GABPB1: variants seen among roughly 807,000 people sequenced by gnomAD.
GABPB1 encodes the protein GA-binding protein subunit beta-1.
Under a neutral mutation model 45.9 loss-of-function variants are expected in GABPB1, and 15 were observed. The observed-to-expected ratio is 0.33, with a 90% CI of 0.22 to 0.50. The LOEUF is 0.50. GABPB1 is among the 20% of genes least tolerant of loss of function. The probability of loss-of-function intolerance (pLI) is 0.98; values close to 1 mark genes in which losing one functional copy is unlikely to be tolerated. For missense variants in GABPB1, 252 were observed against 457.5 expected, an observed-to-expected ratio of 0.55 and a Z score of 4.10; for synonymous variants, 143 against 154.4, an observed-to-expected ratio of 0.93 and a Z score of 0.55.
chr15:50,347,907 T>C (rs1180534358), intron 1 of GABPB1, among the ~76,000 whole-genome samples: 3 of 151,876 alleles, frequency 2.0e-5, no homozygotes, highest in African/African-American at 7.3e-5. Flanking sequence ...AATACAAAAA[T>C]TAGCTGGGCA....
Position 50,350,331 on chromosome 15 carries a change from A to T in GABPB1, c.-1+4654T>A, listed in dbSNP as rs1261623678. ...ATTACCGTGGGGCTTAAAGGCATTA[A>T]TACACAGCTTTTATAATCAACAATA... is the stretch of plus-strand genomic sequence containing the variant. On this transcript the variant is annotated intron_variant, in intron 1 of 8. Coordinates refer to ENST00000380877, the MANE Select transcript of GABPB1 (RefSeq NM_016654.5). 5 of 148,586 alleles carry T rather than the reference A, an allele frequency of 3.4e-5. No individual in the cohort carries two copies. In the East Asian group the frequency reaches 7.9e-4, roughly 23 times the overall value. The allele number at this position is 148,586 out of a possible 1,614,324, so 9.2% of individuals were successfully genotyped here.
At chr15:50,347,506 T>C (rs957170733) in intron 1 of GABPB1, 4 of 152,294 alleles carry the variant, frequency 2.6e-5, no homozygotes, top group Non-Finnish European at 5.9e-5. Flanking sequence ...CCAATTTTAG[T>C]ATATGTGCTG....
At chr15:50,281,133 A>G (rs2045956587) in intron 8 of GABPB1, among the ~76,000 whole-genome samples, 1 of 152,236 alleles carries the variant, frequency 6.6e-6, no homozygotes, top group African/African-American at 2.4e-5. Flanking sequence ...CTAATTCTAT[A>G]AAACCTAGAA....
intron 1 of GABPB1, chr15:50,354,141 G>C (rs1047374577): frequency 2.3e-5 from 7 of 310,980 alleles, no homozygotes; most frequent in Non-Finnish European, 3.8e-5. Context: ...CAACACACTT[G>C]GAGAGCTTCA....
chr15:50,304,451 C>T (rs549727978), intron 2 of GABPB1, among the ~76,000 whole-genome samples: 57 of 152,312 alleles, frequency 3.7e-4, no homozygotes, highest in African/African-American at 1.2e-3. Flanking sequence ...TGGCTCACGC[C>T]TGTAATCCCA....
intron 8 of GABPB1, among the ~76,000 whole-genome samples, chr15:50,281,856 T>C (rs1270459354): frequency 2.0e-5 from 3 of 152,072 alleles, no homozygotes; most frequent in African/African-American, 7.2e-5. Flanking sequence ...AATCCTAGTA[T>C]TTTGGAAGGC....
At chr15:50,340,720 T>A (rs899882472) in intron 1 of GABPB1, among the ~76,000 whole-genome samples, 2 of 151,542 alleles carry the variant, frequency 1.3e-5, no homozygotes, top group African/African-American at 2.4e-5. Flanking sequence ...CTCAAACTCC[T>A]AATGAGACCA....
chr15:50,339,073 C>T (rs550481153), intron 1 of GABPB1, among the ~76,000 whole-genome samples: 111 of 152,264 alleles, frequency 7.3e-4, no homozygotes, highest in Non-Finnish European at 1.5e-3. Context: ...GAGGCCAAGA[C>T]GGGCAGATCA....
At chr15:50,282,316 C>T in intron 8 of GABPB1, 2 of 454,726 alleles carry the variant, frequency 4.4e-6, no homozygotes, top group Non-Finnish European at 8.8e-6. Flanking sequence ...CTCAACTCTT[C>T]AGGAGGCTGA....
chr15:50,312,821 G>A (rs1417826760), intron 1 of GABPB1, among the ~76,000 whole-genome samples: 1 of 152,152 alleles, frequency 6.6e-6, no homozygotes, highest in Non-Finnish European at 1.5e-5. Flanking sequence ...TGTGAAGTGA[G>A]AGTTTAGGGC....
At position 50,275,813 on chromosome 15, in the gene GABPB1, T is replaced by C. The variant is rs2045832172; in HGVS notation, c.*2819A>G. 6.6e-6 allele frequency: 1 copy of C among 152,160 alleles called. No individual in the cohort carries two copies. The highest frequency in any genetic ancestry group is 2.1e-4 in the South Asian group (1 of 4,824). 9.4% of individuals were successfully genotyped at this position (152,160 alleles called of 1,614,324 possible). ...TATAAATAAAATAAATAACAATAAA[T>C]GAAAATTAGTTGAGAAGCACAGTCC... On this transcript the variant is annotated 3_prime_UTR_variant, in exon 9 of 9. Coordinates refer to ENST00000380877, the MANE Select transcript of GABPB1 (RefSeq NM_016654.5).
intron 8 of GABPB1, among the ~76,000 whole-genome samples, chr15:50,283,056 A>T (rs1052299197): frequency 6.6e-6 from 1 of 152,252 alleles, no homozygotes; most frequent in South Asian, 2.1e-4. Flanking sequence ...ATCTAAAAAA[A>T]TAAAATAAAA....
In GABPB1 at chr15:50,303,005, G is replaced by C; in HGVS notation, c.395C>G (p.Thr132Arg). 3 of 1,613,452 alleles carry C rather than the reference G, an allele frequency of 1.9e-6. No individual in the cohort carries two copies. The highest frequency in any genetic ancestry group is 2.5e-6 in the Non-Finnish European group (3 of 1,179,636). ...TGCAGTTTTACAAAATTTACTTTGC[G>C]TGTGTACATCAGCACCATATTTGAT... ...LLIKYGADVH[T>R]QSKFCKTAFD... Residue 132 changes from threonine (T) to arginine (R), a missense_variant, in exon 4 of 9, where the codon ACG becomes AGG. Physicochemically the swap from Thr to Arg is moderately conservative, Grantham distance 71. This residue lies in a region of GABPB1 where 193 missense variants were observed against 259.9 expected (regional missense o/e 0.74). Coordinates refer to ENST00000380877, the MANE Select transcript of GABPB1 (RefSeq NM_016654.5).
At chr15:50,346,723 G>A (rs2048599908) in intron 1 of GABPB1, among the ~76,000 whole-genome samples, 1 of 150,952 alleles carries the variant, frequency 6.6e-6, no homozygotes, top group South Asian at 2.1e-4. Flanking sequence ...GTAAGGGCCA[G>A]CTTCTAGACA....
At position 50,278,261 on chromosome 15, in the gene GABPB1, T is replaced by A. The variant is rs28709839; in HGVS notation, c.*371A>T. 3,285 of 156,270 alleles carry A rather than the reference T, an allele frequency of 0.021. 114 individuals are homozygous for A. Among genetic ancestry groups the A allele is most frequent in the African/African-American group, 0.075 (3,143 of 41,646 alleles). 9.7% of individuals were successfully genotyped at this position (156,270 alleles called of 1,614,324 possible). A position where few individuals can be genotyped will look rare whatever the true frequency, so the allele number is the denominator to read the frequency against. On this transcript the variant is annotated 3_prime_UTR_variant, in exon 9 of 9. Transcript: ENST00000380877. Reference sequence around the variant, plus strand: ...TCCACCATAATTATTACACAACATTTGGCCTAACCAACAACGATCACCCTT... The same window carrying A: ...TCCACCATAATTATTACACAACATTAGGCCTAACCAACAACGATCACCCTT...
rs1344595792 is a variant in GABPB1 at position 50,277,383 on chromosome 15, T to TA, written c.*1248dup. On this transcript the variant is annotated 3_prime_UTR_variant, in exon 9 of 9. Transcript: ENST00000380877. ...CAGGGTTAAACAGTTCATAAAGCAA[T>TA]AAAACACTGAAAAATAAAGCAAGAA... The TA allele has an allele frequency of 2.2e-5, 3 of 137,822 alleles. No homozygotes were observed. Among genetic ancestry groups the TA allele is most frequent in the African/African-American group, 8.3e-5 (3 of 36,150 alleles). The allele number at this position is 137,822 out of a possible 1,614,324, so 8.5% of individuals were successfully genotyped here. A position where few individuals can be genotyped will look rare whatever the true frequency, so the allele number is the denominator to read the frequency against.
intron 6 of GABPB1, among the ~76,000 whole-genome samples, chr15:50,294,389 C>T (rs751327563): frequency 6.6e-6 from 1 of 152,162 alleles, no homozygotes; most frequent in South Asian, 2.1e-4. Context: ...TGGCACGTGC[C>T]TGTAGTCCCA....
intron 1 of GABPB1, among the ~76,000 whole-genome samples, chr15:50,313,885 A>G (rs928971374): frequency 6.6e-6 from 1 of 152,168 alleles, no homozygotes; most frequent in African/African-American, 2.4e-5. Context: ...ACATTGTATG[A>G]CTGTCAACTA....
intron 6 of GABPB1, among the ~76,000 whole-genome samples, chr15:50,297,059 C>T (rs548300609): frequency 6.6e-6 from 1 of 151,578 alleles, no homozygotes; most frequent in Non-Finnish European, 1.5e-5. Flanking sequence ...TACAGGCATA[C>T]GCCACCACAT....
Sources: gnomAD v4.1 joint callset for allele counts (sites outside exome capture counted in the v4.1 genomes callset) on GRCh38, gnomAD v4.1.1 for gene constraint, gnomAD v4.1.1 regional missense constraint, MANE v1.5 for transcripts, NCBI Gene and HGNC (gene_info 2026-07-23, HGNC 2026-07-21) for gene names.